The following RABGAP1L variants were observed in gnomAD, a reference collection of about 807,000 sequenced individuals.
RABGAP1L encodes the protein RAB GTPase activating protein 1 like, also known as rab GTPase-activating protein 1-like.
In RABGAP1L, 63 loss-of-function variants were observed where a neutral mutation model predicts 137.7. The observed-to-expected ratio is 0.46, with a 90% CI of 0.37 to 0.56. The LOEUF is 0.56. Ranked by LOEUF, RABGAP1L falls within the 20% of genes least tolerant of loss-of-function variation. The probability of loss-of-function intolerance (pLI) is 0.00; values close to 1 mark genes in which losing one functional copy is unlikely to be tolerated. For missense variants in RABGAP1L, 1,095 were observed against 1,244.0 expected (o/e 0.88, Z 1.80); for synonymous variants, 431 against 433.7 (o/e 0.99, Z 0.08).
At chr1:174,435,875 G>A (rs188329876) in intron 13 of RABGAP1L, among the ~76,000 whole-genome samples, 33 of 147,368 alleles carry the variant, frequency 2.2e-4, no homozygotes, top group East Asian at 7.8e-4. Flanking sequence ...CTCATTGTTC[G>A]ATTCCCACCT....
rs916617658 is a variant in RABGAP1L at position 174,267,467 on chromosome 1, T to C, written c.987-4947T>C. Among the ~76,000 whole-genome samples the C allele has an allele frequency of 3.9e-5, 6 of 152,194 alleles. No homozygotes were observed. The East Asian group carries it at 7.7e-4, about 20-fold the overall frequency. On this transcript the variant is annotated intron_variant, in intron 7 of 25. Transcript: ENST00000681986. ...GTGAAGATGAACTTATCAGTGTAAA[T>C]AAGGAAAGTGGTTGTGATGAAAAGC...
chr1:174,874,578 CTTTT>C (rs10530813), intron 19 of RABGAP1L: 5,787 of 230,834 alleles, frequency 0.025, 2 homozygotes, highest in Non-Finnish European at 0.028. Flanking sequence ...ACACCACTGC[CTTTT>C]TTTTTTTTTT....
intron 19 of RABGAP1L, among the ~76,000 whole-genome samples, chr1:174,832,971 A>G (rs909307089): frequency 6.6e-6 from 1 of 152,196 alleles, no homozygotes; most frequent in Non-Finnish European, 1.5e-5. Context: ...ACCCAATTCT[A>G]TAGATCAGAA....
At chr1:174,647,297 G>A (rs1675049337) in intron 14 of RABGAP1L, among the ~76,000 whole-genome samples, 1 of 152,092 alleles carries the variant, frequency 6.6e-6, no homozygotes, top group South Asian at 2.1e-4. Context: ...GTTTTCAAAG[G>A]GAGTGCTTCC....
At chr1:174,649,588 T>C (rs1156895205) in intron 14 of RABGAP1L, among the ~76,000 whole-genome samples, 1 of 152,174 alleles carries the variant, frequency 6.6e-6, no homozygotes, top group African/African-American at 2.4e-5. Flanking sequence ...CTGATGTGCT[T>C]CCCTTTGTGG....
At chr1:174,272,089 T>TA (rs1369982235) in intron 7 of RABGAP1L, among the ~76,000 whole-genome samples, 4 of 151,944 alleles carry the variant, frequency 2.6e-5, no homozygotes, top group African/African-American at 9.7e-5. Context: ...CTAAGGCAAA[T>TA]AAAATCTCTT....
At chr1:174,266,576 G>A (rs1674092819) in intron 7 of RABGAP1L, among the ~76,000 whole-genome samples, 1 of 152,170 alleles carries the variant, frequency 6.6e-6, no homozygotes, top group Non-Finnish European at 1.5e-5. Context: ...TATTAACAGA[G>A]TAATTGCAAA....
chr1:174,432,938 G>A (rs1408514101), intron 13 of RABGAP1L, among the ~76,000 whole-genome samples: 2 of 152,222 alleles, frequency 1.3e-5, no homozygotes, highest in East Asian at 3.8e-4. Flanking sequence ...AACTCAGCAT[G>A]TTACCTGTGG....
chr1:174,699,452 C>A (rs1679490741), intron 15 of RABGAP1L, 73 bp from the exon 16 acceptor site: 2 of 1,436,736 alleles, frequency 1.4e-6, no homozygotes, highest in East Asian at 2.4e-5. Context: ...GGACTAATAA[C>A]ATGAAGGAAC....
intron 13 of RABGAP1L, among the ~76,000 whole-genome samples, chr1:174,454,999 A>G (rs1269382530): frequency 6.6e-6 from 1 of 152,180 alleles, no homozygotes; most frequent in African/African-American, 2.4e-5. Flanking sequence ...TCCAAAGAAC[A>G]TATTTATAAT....
At chr1:174,501,546 T>G (rs920562940) in intron 13 of RABGAP1L, among the ~76,000 whole-genome samples, 1 of 152,184 alleles carries the variant, frequency 6.6e-6, no homozygotes, top group African/African-American at 2.4e-5. Flanking sequence ...TAAAATCTCT[T>G]AGTTGCATCA....
chr1:174,462,234 A>G (rs1558254894), intron 13 of RABGAP1L, among the ~76,000 whole-genome samples: 1 of 152,186 alleles, frequency 6.6e-6, no homozygotes, highest in African/African-American at 2.4e-5. Context: ...CCCTTGGTTT[A>G]TAAACTATTC....
chr1:174,450,938 ATGT>A (rs1655369342), intron 13 of RABGAP1L, among the ~76,000 whole-genome samples: 2 of 152,310 alleles, frequency 1.3e-5, no homozygotes, highest in South Asian at 2.1e-4. Flanking sequence ...TTTAGTAGAA[ATGT>A]TGTCATTTTA....
intron 19 of RABGAP1L, among the ~76,000 whole-genome samples, chr1:174,939,556 A>G (rs1298641464): frequency 2.0e-5 from 3 of 152,024 alleles, no homozygotes; most frequent in Non-Finnish European, 4.4e-5. Flanking sequence ...ACAAAAAAAA[A>G]AAAAAAGAAA....
At chr1:174,523,428 G>T (rs1663599622) in intron 13 of RABGAP1L, among the ~76,000 whole-genome samples, 1 of 152,032 alleles carries the variant, frequency 6.6e-6, no homozygotes, top group Non-Finnish European at 1.5e-5. Flanking sequence ...AACATAAAAA[G>T]AAGCTAAACT....
At chr1:174,618,422 C>T (rs1052491186) in intron 13 of RABGAP1L, among the ~76,000 whole-genome samples, 14 of 152,264 alleles carry the variant, frequency 9.2e-5, no homozygotes, top group Admixed American at 7.8e-4. Context: ...CTCACACGGC[C>T]GAGTACTCCT....
chr1:174,540,771 A>G (rs1192017488), intron 13 of RABGAP1L, among the ~76,000 whole-genome samples: 2 of 152,194 alleles, frequency 1.3e-5, no homozygotes, highest in Non-Finnish European at 2.9e-5. Context: ...TGTCTTGGCA[A>G]TGTGGGTTCT....
intron 1 of RABGAP1L, among the ~76,000 whole-genome samples, chr1:174,188,073 T>C (rs1360750946): frequency 6.6e-6 from 1 of 152,236 alleles, no homozygotes; most frequent in Non-Finnish European, 1.5e-5. Context: ...AATTCTCTGA[T>C]ATAGCAGGGT....
chr1:174,381,299 T>G (rs953090544), intron 12 of RABGAP1L, among the ~76,000 whole-genome samples: 2 of 146,932 alleles, frequency 1.4e-5, no homozygotes, highest in African/African-American at 5.1e-5. Context: ...TAGATGTCTA[T>G]TAGGTCCACT....
Sources: gnomAD v4.1 joint callset for allele counts (sites outside exome capture counted in the v4.1 genomes callset) on GRCh38, gnomAD v4.1.1 for gene constraint, MANE v1.5 for transcripts, NCBI Gene and HGNC (gene_info 2026-07-23, HGNC 2026-07-21) for gene names.